Variants in PEX7 observed in about 807,000 individuals in gnomAD.
PEX7 encodes PTS2 receptor.
PEX7 carries 34 observed loss-of-function variants against 47.5 expected under a neutral mutation model. The ratio of observed to expected loss-of-function variants is 0.72; its 90% CI spans 0.54 to 0.95. The LOEUF is 0.95. Among genes scored for constraint, PEX7 ranks in the 40% least tolerant of loss-of-function variants. The probability of loss-of-function intolerance (pLI) is 0.00; values close to 1 mark genes in which losing one functional copy is unlikely to be tolerated. For missense variants in PEX7, 394 were observed against 400.3 expected (o/e 0.98, Z 0.13); for synonymous variants, 141 against 148.8 (o/e 0.95, Z 0.38).
At position 136,822,648 on chromosome 6, in the gene PEX7, C is replaced by G. The variant is rs991168664; in HGVS notation, c.-18C>G. On this transcript the variant is annotated 5_prime_UTR_variant, in exon 1 of 10. Transcript: ENST00000318471. ...GCTTCCGCGGCCGGGGCAGCGAGGG[C>G]CGGGGGCGGCGGGCGGGATGAGTGC... The G allele has an allele frequency of 2.0e-6, 3 of 1,525,200 alleles. No homozygotes were observed. In the South Asian group the frequency reaches 3.6e-5, roughly 18 times the overall value. The allele number at this position is 1,525,200 out of a possible 1,614,324, so 94.5% of individuals were successfully genotyped here. A position where few individuals can be genotyped will look rare whatever the true frequency, so the allele number is the denominator to read the frequency against.
chr6:136,825,572 C>A lies in PEX7; in HGVS notation c.188+301C>A, dbSNP rs1774172868. On this transcript the variant is annotated intron_variant, in intron 2 of 9. Transcript: ENST00000318471. ...TTTTATGCACAGAGTCTGGCTCTGT[C>A]ACCCAGGCTGGAGTACAGTGGCGCC... Among the ~76,000 whole-genome samples, 3 of 152,040 alleles carry A rather than the reference C, an allele frequency of 2.0e-5. No homozygotes were observed. The South Asian group carries it at 6.2e-4, about 32-fold the overall frequency.
At chr6:136,908,891 A>G (rs1317603685) in intron 9 of PEX7, among the ~76,000 whole-genome samples, 2 of 152,226 alleles carry the variant, frequency 1.3e-5, no homozygotes, top group South Asian at 2.1e-4. Flanking sequence ...ACAGCAACAA[A>G]TGCTGTCTAG....
intron 8 of PEX7, among the ~76,000 whole-genome samples, chr6:136,894,791 T>C (rs958904650): frequency 6.6e-6 from 1 of 152,220 alleles, no homozygotes; most frequent in Non-Finnish European, 1.5e-5. Context: ...CCAGTATATT[T>C]ACTTCCCATG....
intron 5 of PEX7, among the ~76,000 whole-genome samples, chr6:136,858,311 C>T (rs717088): frequency 0.64 from 97,015 of 152,036 alleles, 31,078 homozygotes; most frequent in African/African-American, 0.69. Context: ...ACAGAGCATA[C>T]TTGAGGACCA....
At chr6:136,829,797 G>T (rs541296829) in intron 3 of PEX7, among the ~76,000 whole-genome samples, 35 of 152,278 alleles carry the variant, frequency 2.3e-4, no homozygotes, top group African/African-American at 8.4e-4. Flanking sequence ...AATTAGCTGG[G>T]TGTGGTGGTG....
intron 9 of PEX7, among the ~76,000 whole-genome samples, chr6:136,910,920 A>G (rs1775923000): frequency 6.6e-6 from 1 of 152,174 alleles, no homozygotes; most frequent in Non-Finnish European, 1.5e-5. Flanking sequence ...TTGAACAACT[A>G]TCAACATTCT....
At chr6:136,859,986 C>G (rs897986618) in intron 5 of PEX7, among the ~76,000 whole-genome samples, 10 of 150,952 alleles carry the variant, frequency 6.6e-5, no homozygotes, top group South Asian at 4.2e-4. Context: ...ACACTCCAGC[C>G]TGGGTGACAG....
chr6:136,841,029 C>T (rs1004844917), intron 3 of PEX7, among the ~76,000 whole-genome samples: 9 of 152,110 alleles, frequency 5.9e-5, no homozygotes, highest in African/African-American at 2.2e-4. Flanking sequence ...AGCATGTTTG[C>T]TGCTGCTAAA....
chr6:136,872,138 G>T, intron 7 of PEX7, 60 bp from the exon 8 acceptor site: 1 of 1,304,786 alleles, frequency 7.7e-7, no homozygotes, highest in Non-Finnish European at 1.1e-6. Flanking sequence ...ATCATAGAAA[G>T]CAGTGTTATA....
chr6:136,874,794 GTTTAT>G (rs1284888938), intron 8 of PEX7, among the ~76,000 whole-genome samples: 1 of 151,818 alleles, frequency 6.6e-6, no homozygotes, highest in Non-Finnish European at 1.5e-5. Flanking sequence ...CTAGTGGTAT[GTTTAT>G]TTTGTTATTT....
intron 3 of PEX7, among the ~76,000 whole-genome samples, chr6:136,841,727 T>A (rs1325359027): frequency 6.6e-6 from 1 of 151,988 alleles, no homozygotes; most frequent in Non-Finnish European, 1.5e-5. Context: ...GGGACTACTG[T>A]TATAGGTCAC....
rs754348931 is a variant in PEX7 at position 136,822,747 on chromosome 6, C to T, written c.82C>T (p.Leu28=). The change falls in exon 1 of 10, where the codon CTG becomes TTG. Residue 28 remains leucine (L), a synonymous_variant. Transcript: ENST00000318471. The stretch of plus-strand genomic sequence containing the variant: ...CTACGCCGCCGAGTTCTCCCCGTAC[C>T]TGCCGGGCCGCCTGGCCTGCGCCAC... ...HGYAAEFSPY[L]PGRLACATAQ... The T allele has an allele frequency of 2.0e-6, 3 of 1,491,160 alleles. No individual in the cohort carries two copies. The South Asian group carries it at 3.8e-5, about 19-fold the overall frequency. 92.4% of individuals were successfully genotyped at this position (1,491,160 alleles called of 1,614,324 possible).
intron 5 of PEX7, among the ~76,000 whole-genome samples, chr6:136,852,159 A>G (rs1028312022): frequency 2.7e-5 from 4 of 150,498 alleles, no homozygotes; most frequent in African/African-American, 9.8e-5. Context: ...TCTTTAATCC[A>G]TCTTGAATTG....
chr6:136,855,519 T>C (rs1247809456), intron 5 of PEX7, among the ~76,000 whole-genome samples: 1 of 152,166 alleles, frequency 6.6e-6, no homozygotes, highest in Non-Finnish European at 1.5e-5. Context: ...TTTGTATTTT[T>C]AGTAGAGCCG....
At chr6:136,873,826 T>A (rs759103084) in intron 8 of PEX7, among the ~76,000 whole-genome samples, 20 of 152,222 alleles carry the variant, frequency 1.3e-4, no homozygotes, top group Admixed American at 2.6e-4. Context: ...TGAGTTTTTT[T>A]AATTAGGAAT....
chr6:136,847,100 G>T (rs868026791), intron 5 of PEX7, among the ~76,000 whole-genome samples: 29 of 152,318 alleles, frequency 1.9e-4, no homozygotes, highest in Admixed American at 4.6e-4. Flanking sequence ...CAGTGATGAT[G>T]AGCATTTTTT....
intron 3 of PEX7, among the ~76,000 whole-genome samples, chr6:136,842,817 AG>A: frequency 1.3e-5 from 2 of 152,324 alleles, no homozygotes; most frequent in Middle Eastern, 6.8e-3. Context: ...AGTAGGTGTG[AG>A]CTGCTGTTGA....
intron 8 of PEX7, among the ~76,000 whole-genome samples, chr6:136,882,246 T>A (rs1775389960): frequency 6.7e-6 from 1 of 150,262 alleles, no homozygotes; most frequent in Non-Finnish European, 1.5e-5. Context: ...TGTGTGATCT[T>A]GGCTCATTGT....
chr6:136,891,228 G>C (rs1775547121), intron 8 of PEX7, among the ~76,000 whole-genome samples: 1 of 152,126 alleles, frequency 6.6e-6, no homozygotes, highest in Admixed American at 6.5e-5. Context: ...TGTGGTATGT[G>C]GTTCCCGGGC....
Sources: gnomAD v4.1 joint callset for allele counts (sites outside exome capture counted in the v4.1 genomes callset) on GRCh38, gnomAD v4.1.1 for gene constraint, MANE v1.5 for transcripts, NCBI Gene and HGNC (gene_info 2026-07-23, HGNC 2026-07-21) for gene names.